Variants in WDR64 observed in about 807,000 individuals in gnomAD.
The protein encoded by WDR64 is WD repeat-containing protein 64.
Under a neutral mutation model 139.3 loss-of-function variants are expected in WDR64, and 112 were observed. That is an observed-to-expected ratio of 0.80 (90% CI 0.69 to 0.94). The LOEUF (loss-of-function observed/expected upper bound fraction) is 0.94. Among genes scored for constraint, WDR64 ranks in the 40% least tolerant of loss-of-function variants. WDR64 has a pLI of 0.00. For synonymous variants in WDR64, 444 were observed against 437.7 expected (o/e 1.01, Z -0.18); for missense variants, 1,206 against 1,293.1 (o/e 0.93, Z 1.03).
At chr1:241,684,850 C>T (rs939817560) in intron 7 of WDR64, among the ~76,000 whole-genome samples, 34 of 152,234 alleles carry the variant, frequency 2.2e-4, no homozygotes, top group African/African-American at 7.2e-4. Context: ...CTCCGCCTCC[C>T]GGGTTCAAGC....
chr1:241,705,326 G>A (rs1667894420), intron 8 of WDR64, among the ~76,000 whole-genome samples: 1 of 152,014 alleles, frequency 6.6e-6, no homozygotes, highest in African/African-American at 2.4e-5. Flanking sequence ...CGGATCATGA[G>A]GTCAGGAGAT....
At chr1:241,760,271 G>A (rs1362930497) in intron 15 of WDR64, among the ~76,000 whole-genome samples, 1 of 151,888 alleles carries the variant, frequency 6.6e-6, no homozygotes, top group Non-Finnish European at 1.5e-5. Context: ...TCCCCTGTAG[G>A]TGGCCATTTG....
chr1:241,799,440 T>C (rs1204829041), intron 27 of WDR64, among the ~76,000 whole-genome samples: 4 of 151,802 alleles, frequency 2.6e-5, no homozygotes, highest in East Asian at 1.9e-4. Flanking sequence ...GTGAAAAGAA[T>C]ATATAAACTG....
chr1:241,757,374 G>A lies in WDR64; in HGVS notation c.1862G>A (p.Arg621Lys). 1.9e-6 allele frequency: 3 copies of A among 1,614,080 alleles called. No homozygotes were observed. Among genetic ancestry groups the A allele is most frequent in the Non-Finnish European group, 2.5e-6 (3 of 1,179,990 alleles). The stretch of plus-strand genomic sequence containing the variant: ...GATGGGAAACATGCTGTGCATCTGA[G>A]AATGTCTACTAGAGACAGGAACATG... ...LQDGKHAVHL[R>K]MSTRDRNMAI... Residue 621 changes from arginine (R) to lysine (K), a missense_variant, in exon 15 of 28, where the codon AGA becomes AAA. By Grantham distance (26) the Arg-to-Lys change is conservative. Coordinates refer to ENST00000437684, the MANE Select transcript of WDR64 (RefSeq NM_001367482.1).
Position 241,741,585 on chromosome 1 carries a change from A to C in WDR64, c.1391A>C (p.His464Pro). The C allele has an allele frequency of 6.2e-7, 1 of 1,613,736 alleles. No homozygotes were observed. The highest frequency in any genetic ancestry group is 1.1e-5 in the South Asian group (1 of 91,046). Residue 464 changes from histidine to proline, a missense_variant, in exon 12 of 28, where the codon CAT becomes CCT. Transcript: ENST00000437684. ...GATACAAAACAGGTTCCTCACACTC[A>C]TGAACGAGAAATCAATGTCATGCTT... ...IQDTKQVPHT[H>P]EREINVMLYN...
At chr1:241,702,802 A>C (rs1232503484) in intron 8 of WDR64, among the ~76,000 whole-genome samples, 14 of 152,250 alleles carry the variant, frequency 9.2e-5, no homozygotes, top group Admixed American at 9.2e-4. Context: ...TCATGAATAG[A>C]GCTGTAAGGG....
At chr1:241,692,072 G>C (rs182224575) in intron 8 of WDR64, among the ~76,000 whole-genome samples, 11 of 150,356 alleles carry the variant, frequency 7.3e-5, no homozygotes, top group Non-Finnish European at 1.6e-4. Context: ...ATTCGCATTT[G>C]AGAATGAAAT....
intron 8 of WDR64, among the ~76,000 whole-genome samples, chr1:241,696,947 A>G (rs572268608): frequency 1.3e-5 from 2 of 152,252 alleles, no homozygotes; most frequent in African/African-American, 4.8e-5. Flanking sequence ...TCTGGTTCAA[A>G]TGCCTCTGAC....
intron 20 of WDR64, among the ~76,000 whole-genome samples, chr1:241,773,778 T>G (rs1381130147): frequency 4.6e-5 from 7 of 152,210 alleles, no homozygotes; most frequent in Non-Finnish European, 8.8e-5. Flanking sequence ...GGGCATTAGT[T>G]TTGATGGGTT....
intron 10 of WDR64, among the ~76,000 whole-genome samples, chr1:241,726,394 A>G (rs1668841167): frequency 6.8e-6 from 1 of 147,862 alleles, no homozygotes; most frequent in African/African-American, 2.5e-5. Flanking sequence ...ACATAGTGAG[A>G]CACCATCTTT....
chr1:241,716,167 A>G (rs1668394399), intron 9 of WDR64, among the ~76,000 whole-genome samples: 1 of 152,094 alleles, frequency 6.6e-6, no homozygotes, highest in Non-Finnish European at 1.5e-5. Flanking sequence ...TGCTAAATGT[A>G]CGGTATGTAC....
intron 4 of WDR64, among the ~76,000 whole-genome samples, chr1:241,675,021 T>C (rs1407230386): frequency 4.1e-5 from 1 of 24,242 alleles, no homozygotes. Flanking sequence ...TCCTTTCTTC[T>C]TCCTTCCCTC....
intron 6 of WDR64, among the ~76,000 whole-genome samples, chr1:241,681,086 TTCTCTCTC>T (rs113784729): frequency 1.3e-4 from 19 of 150,350 alleles, no homozygotes; most frequent in African/African-American, 2.2e-4. Flanking sequence ...CTACAGCCTC[TTCTCTCTC>T]TCTCTCTCTC....
At chr1:241,790,544 G>A (rs1349950826) in intron 24 of WDR64, 47 bp from the exon 25 acceptor site, 2 of 1,480,858 alleles carry the variant, frequency 1.4e-6, no homozygotes, top group Non-Finnish European at 1.9e-6. Flanking sequence ...AGTTGGCAGA[G>A]AATAAAAGGT....
intron 26 of WDR64, 42 bp downstream of exon 26, chr1:241,795,329 A>G (rs1272317094): frequency 1.3e-6 from 2 of 1,543,640 alleles, no homozygotes; most frequent in Non-Finnish European, 1.8e-6. Context: ...ACAGAACAGT[A>G]GAGAATCTGC....
intron 3 of WDR64, 103 bp from the exon 4 acceptor site, chr1:241,674,541 C>T: frequency 3.1e-6 from 2 of 650,766 alleles, no homozygotes; most frequent in Non-Finnish European, 5.2e-6. Flanking sequence ...AGGAGTGAGC[C>T]ACTTGTGCCC....
rs1311493053 is a variant in WDR64, at chr1:241,766,326, T to G, written c.2056T>G (p.Phe686Val). 6.2e-7 allele frequency: 1 copy of G among 1,614,068 alleles called. No individual in the cohort carries two copies. ...AAATGGTGTGATCATCTTATGGAATTTTGTGACGTCTACTGTCAAAAAAGT... is the reference window on the plus strand; with the variant it reads ...AAATGGTGTGATCATCTTATGGAATGTTGTGACGTCTACTGTCAAAAAAGT... The part of the protein sequence containing the change: ...TLNGVIILWN[F>V]VTSTVKKVYR... The change falls in exon 16 of 28, where the codon TTT becomes GTT. Residue 686 changes from phenylalanine to valine, a missense_variant. Coordinates refer to ENST00000437684, the MANE Select transcript of WDR64 (RefSeq NM_001367482.1).
intron 10 of WDR64, among the ~76,000 whole-genome samples, chr1:241,735,266 G>C (rs938712280): frequency 6.6e-6 from 1 of 152,156 alleles, no homozygotes. Context: ...ATGGAATCCT[G>C]TTGTATGAAC....
chr1:241,706,530 G>A (rs1218788547), intron 8 of WDR64, among the ~76,000 whole-genome samples: 3 of 152,158 alleles, frequency 2.0e-5, no homozygotes, highest in South Asian at 4.1e-4. Flanking sequence ...GGACATTTAA[G>A]CATTTTCAAA....
Sources: gnomAD v4.1 joint callset for allele counts (sites outside exome capture counted in the v4.1 genomes callset) on GRCh38, gnomAD v4.1.1 for gene constraint, MANE v1.5 for transcripts, NCBI Gene and HGNC (gene_info 2026-07-23, HGNC 2026-07-21) for gene names.